Variants in RBM33 observed in about 807,000 individuals in gnomAD.
The protein encoded by RBM33 is RNA binding motif protein 33.
Under a neutral mutation model 132.6 loss-of-function variants are expected in RBM33, and 28 were observed. The observed-to-expected ratio is 0.21, with a 90% confidence interval of 0.16 to 0.29. The LOEUF is 0.29. RBM33 is among the 10% of genes least tolerant of loss of function. The pLI, the probability that RBM33 is intolerant of heterozygous loss-of-function variation, is 1.00. For missense variants in RBM33, 1,291 were observed against 1,518.5 expected, an observed-to-expected ratio of 0.85 and a Z score of 2.49; for synonymous variants, 634 against 593.0, an observed-to-expected ratio of 1.07 and a Z score of -1.01.
intron 16 of RBM33, among the ~76,000 whole-genome samples, chr7:155,773,084 G>A (rs1225381753): frequency 1.3e-5 from 2 of 152,192 alleles, no homozygotes; most frequent in Non-Finnish European, 2.9e-5. Context: ...ATGGCCACAT[G>A]TGCCTCAGTA....
chr7:155,777,545 G>C lies in RBM33; in HGVS notation c.*2504G>C, dbSNP rs766179442. The C allele has an allele frequency of 3.3e-5, 5 of 152,376 alleles. No individual in the cohort carries two copies. Among genetic ancestry groups the C allele is most frequent in the Admixed American group, 6.5e-5 (1 of 15,290 alleles). The allele number at this position is 152,376 out of a possible 1,614,324, so 9.4% of individuals were successfully genotyped here. A position where few individuals can be genotyped will look rare whatever the true frequency, so the allele number is the denominator to read the frequency against. On this transcript the variant is annotated 3_prime_UTR_variant, in exon 18 of 18. Transcript: ENST00000401878. Reference sequence around the variant, plus strand: ...TAGGTGTTTGGTATGCTGCTCACGTGAAGTCAGCCCACACCAGCCAAACCC... The same window carrying C: ...TAGGTGTTTGGTATGCTGCTCACGTCAAGTCAGCCCACACCAGCCAAACCC...
intron 15 of RBM33, among the ~76,000 whole-genome samples, chr7:155,765,898 G>A (rs577989729): frequency 2.6e-5 from 4 of 152,280 alleles, no homozygotes; most frequent in Admixed American, 6.5e-5. Context: ...GCTTGCAGAC[G>A]ATGGAAATGT....
rs1302844750 is a variant in RBM33, at chr7:155,673,495, CACAT to C, written c.171+582_171+585del. On this transcript the variant is annotated intron_variant, in intron 3 of 17. Coordinates refer to ENST00000401878, the MANE Select transcript of RBM33 (RefSeq NM_053043.3). Reference sequence around the variant, plus strand: ...ACATACACGTGTGTATATATATACACACATATATACATACACACGTGTATATATA... The same window carrying C: ...ACATACACGTGTGTATATATATACACATATACATACACACGTGTATATATA... 4.8e-5 allele frequency among the ~76,000 whole-genome samples: 7 copies of C among 145,078 alleles called. No individual in the cohort carries two copies. The East Asian group carries it at 1.0e-3, about 21-fold the overall frequency.
chr7:155,698,509 T>C (rs956369781), intron 5 of RBM33, among the ~76,000 whole-genome samples: 3 of 152,232 alleles, frequency 2.0e-5, no homozygotes, highest in Non-Finnish European at 4.4e-5. Context: ...TAGTGGATGT[T>C]GTCAAATGGG....
chr7:155,646,099 T>G (rs753887765), intron 1 of RBM33, among the ~76,000 whole-genome samples: 1 of 152,200 alleles, frequency 6.6e-6, no homozygotes, highest in Non-Finnish European at 1.5e-5. Flanking sequence ...GCATTCCCAG[T>G]GTAACCTGGG....
Position 155,644,791 on chromosome 7 carries a change from G to C in RBM33, c.-86G>C. ...CAGCCCCCTCCCTTCTCTGTCCTCCGTCACCCGTACCCGGGCCCGGACCAG... is the reference window on the plus strand; with the variant it reads ...CAGCCCCCTCCCTTCTCTGTCCTCCCTCACCCGTACCCGGGCCCGGACCAG... On this transcript the variant is annotated 5_prime_UTR_variant, in exon 1 of 18. Coordinates refer to ENST00000401878, the MANE Select transcript of RBM33 (RefSeq NM_053043.3). 8.4e-7 allele frequency: 1 copy of C among 1,196,208 alleles called. No homozygotes were observed. The highest frequency in any genetic ancestry group is 1.6e-5 in the South Asian group (1 of 60,946). 74.1% of individuals were successfully genotyped at this position (1,196,208 alleles called of 1,614,324 possible).
At chr7:155,661,931 A>T (rs1236202326) in intron 1 of RBM33, among the ~76,000 whole-genome samples, 4 of 151,944 alleles carry the variant, frequency 2.6e-5, no homozygotes, top group African/African-American at 9.7e-5. Flanking sequence ...CATATCTTGT[A>T]ATTTTTTGTT....
chr7:155,742,437 C>T (rs1801379681), intron 13 of RBM33, among the ~76,000 whole-genome samples: 1 of 152,146 alleles, frequency 6.6e-6, no homozygotes, highest in Non-Finnish European at 1.5e-5. Flanking sequence ...CATAATTACC[C>T]TTCTCCGCCA....
At chr7:155,763,094 A>G (rs1802090799) in intron 14 of RBM33, among the ~76,000 whole-genome samples, 1 of 152,270 alleles carries the variant, frequency 6.6e-6, no homozygotes, top group African/African-American at 2.4e-5. Context: ...CAGACTGTTA[A>G]TAAAACACAA....
At chr7:155,710,526 G>T (rs1374582029) in intron 7 of RBM33, among the ~76,000 whole-genome samples, 1 of 152,142 alleles carries the variant, frequency 6.6e-6, no homozygotes, top group Non-Finnish European at 1.5e-5. Context: ...TGATCACTTT[G>T]AGTGTGTAAT....
chr7:155,739,418 TAG>T (rs780071993), intron 11 of RBM33: 42 of 347,748 alleles, frequency 1.2e-4, no homozygotes, highest in Non-Finnish European at 1.9e-4. Flanking sequence ...TTCAGTACTT[TAG>T]TATCATAGTG....
chr7:155,771,252 T>C (rs1802417877), intron 16 of RBM33, among the ~76,000 whole-genome samples: 1 of 152,252 alleles, frequency 6.6e-6, no homozygotes, highest in African/African-American at 2.4e-5. Context: ...CTGGCGACCA[T>C]GTCTTTAAGC....
chr7:155,743,357 C>T (rs1172406777), intron 13 of RBM33, among the ~76,000 whole-genome samples: 1 of 152,214 alleles, frequency 6.6e-6, no homozygotes, highest in Non-Finnish European at 1.5e-5. Context: ...TTCATAATAA[C>T]AGGGCTACCT....
chr7:155,717,142 C>T lies in RBM33; in HGVS notation c.1202-1243C>T, dbSNP rs534707414. Among the ~76,000 whole-genome samples the T allele has an allele frequency of 7.9e-5, 12 of 152,302 alleles. No individual in the cohort carries two copies. In the South Asian group the frequency reaches 2.5e-3, roughly 32 times the overall value. On this transcript the variant is annotated intron_variant, in intron 8 of 17. Transcript: ENST00000401878. The stretch of plus-strand genomic sequence containing the variant: ...GAAACTTCTTAAATTAAAAAATATG[C>T]TTCGTTGTCAATTCCACCTGATGTG...
In RBM33 at chr7:155,644,939, T is replaced by A; in HGVS notation, c.43+20T>A. The A allele has an allele frequency of 6.7e-7, 1 of 1,490,952 alleles. No homozygotes were observed. The highest frequency in any genetic ancestry group is 8.9e-7 in the Non-Finnish European group (1 of 1,125,048). The allele number at this position is 1,490,952 out of a possible 1,614,324, so 92.4% of individuals were successfully genotyped here. On this transcript the variant is annotated intron_variant, in intron 1 of 17. Transcript: ENST00000401878. ...CCGGAGGTACGTGAGGCAGCCGGAC[T>A]CTGGGGGCCAGGACCGCGCCGCGGT...
chr7:155,708,208 A>G (rs994655584), intron 7 of RBM33, among the ~76,000 whole-genome samples: 1 of 152,222 alleles, frequency 6.6e-6, no homozygotes, highest in Non-Finnish European at 1.5e-5. Context: ...CAACTCTGAT[A>G]TGTAAAGGGA....
At chr7:155,654,715 AT>A (rs1296414345) in intron 1 of RBM33, among the ~76,000 whole-genome samples, 2 of 152,180 alleles carry the variant, frequency 1.3e-5, no homozygotes, top group African/African-American at 4.8e-5. Flanking sequence ...CATTGTGTAT[AT>A]TTTTTGGAAT....
At chr7:155,700,654 T>A in intron 5 of RBM33, 119 bp from the exon 6 acceptor site, 1 of 732,278 alleles carries the variant, frequency 1.4e-6, no homozygotes, top group Non-Finnish European at 2.1e-6. Flanking sequence ...AACAGGACAT[T>A]TTGCAGTATT....
chr7:155,644,968 C>G, intron 1 of RBM33, 49 bp downstream of exon 1: 3 of 1,421,630 alleles, frequency 2.1e-6, no homozygotes, highest in African/African-American at 1.5e-5. Flanking sequence ...CCGCGGTGGG[C>G]GGGGGTGTAG....
Sources: gnomAD v4.1 joint callset for allele counts (sites outside exome capture counted in the v4.1 genomes callset) on GRCh38, gnomAD v4.1.1 for gene constraint, MANE v1.5 for transcripts, NCBI Gene and HGNC (gene_info 2026-07-23, HGNC 2026-07-21) for gene names.